ABLIM2: variants seen among roughly 807,000 people sequenced by gnomAD.
ABLIM2 encodes actin binding LIM protein family member 2.
In ABLIM2, 53 loss-of-function variants were observed where a neutral mutation model predicts 97.7. The ratio of observed to expected loss-of-function variants is 0.54; its 90% CI spans 0.44 to 0.68. The LOEUF is 0.68. ABLIM2 is among the 30% of genes least tolerant of loss of function. The pLI, the probability that ABLIM2 is intolerant of heterozygous loss-of-function variation, is 0.00. For synonymous variants in ABLIM2, 361 were observed against 345.8 expected (o/e 1.04, Z -0.49); for missense variants, 835 against 867.2 (o/e 0.96, Z 0.47).
At position 8,149,583 on chromosome 4, in the gene ABLIM2, AGAG is replaced by A. The variant is rs1291937300; in HGVS notation, c.10+9094_10+9096del. On this transcript the variant is annotated intron_variant, in intron 1 of 20. Transcript: ENST00000447017. The surrounding 1 kb of genome is among the most constrained non-coding windows in gnomAD (Gnocchi z 6.4). Reference sequence around the variant, plus strand: ...GGAGTCCGGCAGAGCCTTGAAAGGGAGAGGAGGAGGGACTCCAGGGGAGCGGGG... The same window carrying A: ...GGAGTCCGGCAGAGCCTTGAAAGGGAGAGGAGGGACTCCAGGGGAGCGGGG... Among the ~76,000 whole-genome samples the A allele has an allele frequency of 1.3e-5, 2 of 151,794 alleles. No homozygotes were observed. The highest frequency in any genetic ancestry group is 2.9e-5 in the Non-Finnish European group (2 of 67,956).
At chr4:8,105,110 G>T (rs938537149) in intron 2 of ABLIM2, among the ~76,000 whole-genome samples, 2 of 152,186 alleles carry the variant, frequency 1.3e-5, no homozygotes, top group African/African-American at 4.8e-5. Flanking sequence ...CTGAAACACA[G>T]TCACATGTCT....
intron 9 of ABLIM2, among the ~76,000 whole-genome samples, chr4:8,039,843 T>C (rs1456333339): frequency 6.6e-6 from 1 of 150,392 alleles, no homozygotes; most frequent in Non-Finnish European, 1.5e-5. Context: ...AGGATGTAAA[T>C]GCTTTAATTT....
At chr4:8,060,920 GGTAGTTCCTTGC>G in intron 7 of ABLIM2, 35 bp downstream of exon 7, 3 of 1,472,670 alleles carry the variant, frequency 2.0e-6, no homozygotes, top group Admixed American at 2.0e-5. Flanking sequence ...CATCGAAGAG[GGTAGTTCCTTGC>G]TCTAGGGGAC....
rs58979220 is a variant in ABLIM2, at chr4:8,143,159, T to TTGGGGG, written c.10+15520_10+15521insCCCCCA. On this transcript the variant is annotated intron_variant, in intron 1 of 20. Coordinates refer to ENST00000447017, the MANE Select transcript of ABLIM2 (RefSeq NM_001130083.2). ...CCCATACTGGGAGCGGGGGCGAGAG[T>TTGGGGG]GGGGGGGGGGGGCGTCTGCAAATGC... Among the ~76,000 whole-genome samples, 68 of 61,374 alleles carry TTGGGGG rather than the reference T, an allele frequency of 1.1e-3. 14 individuals are homozygous for TTGGGGG. The highest frequency in any genetic ancestry group is 0.011 in the Middle Eastern group (1 of 94). 40.3% of individuals were successfully genotyped at this position (61,374 alleles called of 152,430 possible).
chr4:8,030,173 C>G (rs918258492), intron 10 of ABLIM2, among the ~76,000 whole-genome samples: 2 of 152,174 alleles, frequency 1.3e-5, no homozygotes, highest in Non-Finnish European at 2.9e-5. Context: ...GGGGGTTTCT[C>G]ACGTGTGAAC....
rs1276035089 is a variant in ABLIM2, at chr4:8,071,299, C to A, written c.675+6329G>T. Among the ~76,000 whole-genome samples, 1 of 152,174 alleles carries A rather than the reference C, an allele frequency of 6.6e-6. No homozygotes were observed. The highest frequency in any genetic ancestry group is 1.9e-4 in the East Asian group (1 of 5,180). The stretch of plus-strand genomic sequence containing the variant: ...CCCAGGAGTGGGACACAGATATCAG[C>A]CCCTCCCATGCCCCCACAGGACCCC... On this transcript the variant is annotated intron_variant, in intron 6 of 20. Coordinates refer to ENST00000447017, the MANE Select transcript of ABLIM2 (RefSeq NM_001130083.2). The surrounding 1 kb of genome is among the most constrained non-coding windows in gnomAD (Gnocchi z 6.2).
intron 4 of ABLIM2, among the ~76,000 whole-genome samples, chr4:8,081,926 G>A (rs778963238): frequency 2.0e-5 from 3 of 152,156 alleles, no homozygotes; most frequent in African/African-American, 4.8e-5. Flanking sequence ...CTGAATGTGC[G>A]TCAGTGTGTG....
chr4:7,984,483 C>T (rs1440199259), intron 18 of ABLIM2, among the ~76,000 whole-genome samples: 4 of 152,224 alleles, frequency 2.6e-5, no homozygotes, highest in Admixed American at 2.6e-4. Context: ...GGCAGCCACA[C>T]GGGGAGCAAG....
In ABLIM2 at chr4:7,966,797, G is replaced by A. The variant is rs533052177; in HGVS notation, c.*193C>T. On this transcript the variant is annotated 3_prime_UTR_variant, in exon 21 of 21. Coordinates refer to ENST00000447017, the MANE Select transcript of ABLIM2 (RefSeq NM_001130083.2). The stretch of plus-strand genomic sequence containing the variant: ...GGGGAAGGGTGGCGTGAAGCTAGCC[G>A]TCTCGGCCCTAAACTACCGGCAGGA... The A allele has an allele frequency of 7.2e-5, 41 of 572,310 alleles. No homozygotes were observed. Among genetic ancestry groups the A allele is most frequent in the Admixed American group, 3.0e-4 (10 of 33,092 alleles). The allele number at this position is 572,310 out of a possible 1,614,324, so 35.5% of individuals were successfully genotyped here.
Position 8,096,627 on chromosome 4 carries a change from T to A in ABLIM2, c.338+472A>T, listed in dbSNP as rs539763524. Reference sequence around the variant, plus strand: ...AAACACGGTGTGGTGAGACAGGGAGTACAGAACAGAAAACAAACTGTTTTT... The same window carrying A: ...AAACACGGTGTGGTGAGACAGGGAGAACAGAACAGAAAACAAACTGTTTTT... On this transcript the variant is annotated intron_variant, in intron 3 of 20. Coordinates refer to ENST00000447017, the MANE Select transcript of ABLIM2 (RefSeq NM_001130083.2). Among the ~76,000 whole-genome samples the A allele has an allele frequency of 5.3e-5, 8 of 152,260 alleles. No individual in the cohort carries two copies. The East Asian group carries it at 1.4e-3, about 26-fold the overall frequency.
intron 7 of ABLIM2, among the ~76,000 whole-genome samples, chr4:8,056,756 C>A (rs1799428571): frequency 6.6e-6 from 1 of 151,648 alleles, no homozygotes; most frequent in African/African-American, 2.4e-5. Flanking sequence ...CATGGTGAAA[C>A]CCCGTCTCTA....
intron 20 of ABLIM2, among the ~76,000 whole-genome samples, chr4:7,982,831 G>A (rs1487157862): frequency 1.3e-5 from 2 of 152,162 alleles, no homozygotes; most frequent in South Asian, 2.1e-4. Context: ...AGCATCCTGA[G>A]TAGCTGGGAT....
At chr4:8,014,548 A>G (rs528687865) in intron 14 of ABLIM2, among the ~76,000 whole-genome samples, 1 of 152,358 alleles carries the variant, frequency 6.6e-6, no homozygotes, top group African/African-American at 2.4e-5. Flanking sequence ...GTTGGAAACT[A>G]GAAACCTTGC....
At chr4:8,078,170 G>A (rs1187347971) in intron 5 of ABLIM2, among the ~76,000 whole-genome samples, 1 of 152,224 alleles carries the variant, frequency 6.6e-6, no homozygotes, top group Non-Finnish European at 1.5e-5. Flanking sequence ...AGATGAGGGT[G>A]TGGTAGGTTA....
chr4:8,051,722 T>C (rs1374757058), intron 8 of ABLIM2, among the ~76,000 whole-genome samples: 3 of 152,318 alleles, frequency 2.0e-5, no homozygotes, highest in Admixed American at 6.5e-5. Flanking sequence ...CACCCAAACA[T>C]GGCGATTCCT....
chr4:7,984,785 G>A (rs1742223504), intron 18 of ABLIM2, 54 bp downstream of exon 18: 1 of 1,516,248 alleles, frequency 6.6e-7, no homozygotes, highest in Non-Finnish European at 8.9e-7. Context: ...CTTGTGGAAT[G>A]TGTTAGCGAC....
At position 8,036,268 on chromosome 4, in the gene ABLIM2, A is replaced by G. The variant is rs1784409400; in HGVS notation, c.928T>C (p.Tyr310His). The change falls in exon 10 of 21, where the codon TAC (tyrosine) becomes CAC (histidine). Residue 310 changes from tyrosine (Y) to histidine (H), a missense_variant. By Grantham distance (83) the Tyr-to-His change is moderately conservative. Coordinates refer to ENST00000447017, the MANE Select transcript of ABLIM2 (RefSeq NM_001130083.2). ...YAKLGGEILD[Y>H]RDLAALPKSK... ...TTAGGAAGGGCTGCCAAGTCCCTGTAGTCCAGGATCTCACCACCAAGCTTG... is the reference window on the plus strand; with the variant it reads ...TTAGGAAGGGCTGCCAAGTCCCTGTGGTCCAGGATCTCACCACCAAGCTTG... 6.2e-7 allele frequency: 1 copy of G among 1,613,770 alleles called. No individual in the cohort carries two copies. The highest frequency in any genetic ancestry group is 1.3e-5 in the African/African-American group (1 of 74,912).
chr4:8,147,112 T>C lies in ABLIM2; in HGVS notation c.10+11568A>G, dbSNP rs1040584087. Among the ~76,000 whole-genome samples, 1 of 152,240 alleles carries C rather than the reference T, an allele frequency of 6.6e-6. No homozygotes were observed. The highest frequency in any genetic ancestry group is 1.5e-5 in the Non-Finnish European group (1 of 68,044). On this transcript the variant is annotated intron_variant, in intron 1 of 20. Coordinates refer to ENST00000447017, the MANE Select transcript of ABLIM2 (RefSeq NM_001130083.2). This position sits in a 1 kb window ranked among gnomAD's most constrained non-coding sequence, Gnocchi z 5.3. ...TCAGAAGAGATTCCCAGAAGTCGCA[T>C]TATTCCATCAAAAGGCATGAATGTA...
intron 1 of ABLIM2, among the ~76,000 whole-genome samples, chr4:8,136,076 G>C (rs28610399): frequency 0.028 from 4,301 of 152,308 alleles, 197 homozygotes; most frequent in African/African-American, 0.098. Context: ...GACATGAACA[G>C]ATGAGCAAAA....
Sources: allele counts gnomAD v4.1 joint callset (sites outside exome capture counted in the v4.1 genomes callset), GRCh38; gene constraint gnomAD v4.1.1; non-coding constraint Gnocchi (gnomAD v3.1); transcripts MANE v1.5; gene names NCBI Gene and HGNC (gene_info 2026-07-23, HGNC 2026-07-21).